KIAA0753: variants seen among roughly 807,000 people sequenced by gnomAD.
KIAA0753 encodes KIAA0753, also known as protein moonraker.
In KIAA0753, 114 loss-of-function variants were observed where a neutral mutation model predicts 116.9. The ratio of observed to expected loss-of-function variants is 0.98; its 90% confidence interval spans 0.84 to 1.14. The LOEUF is 1.14. Among genes scored for constraint, KIAA0753 ranks in the 50% most tolerant of loss-of-function variants. The pLI, the probability that KIAA0753 is intolerant of heterozygous loss-of-function variation, is 0.00. For missense variants in KIAA0753, 1,156 were observed against 1,172.4 expected (o/e 0.99, Z 0.20); for synonymous variants, 405 against 413.1 (o/e 0.98, Z 0.24).
chr17:6,615,383 C>T (rs1970821613), intron 7 of KIAA0753, among the ~76,000 whole-genome samples: 1 of 152,028 alleles, frequency 6.6e-6, no homozygotes, highest in African/African-American at 2.4e-5. Context: ...CCTCAAAGAG[C>T]AACTACAGTG....
rs1282458755 is a variant in KIAA0753, at chr17:6,621,003, C to T, written c.1105-5G>A. Reference sequence around the variant, plus strand: ...TTCCAGGAGAGATTCCAAAGCCTGCCACAAAAACAATCAATTATTCTCTTA... The same window carrying T: ...TTCCAGGAGAGATTCCAAAGCCTGCTACAAAAACAATCAATTATTCTCTTA... On this transcript the variant is annotated splice_region_variant and splice_polypyrimidine_tract_variant and intron_variant, in intron 6 of 18. Transcript: ENST00000361413. The T allele has an allele frequency of 2.5e-6, 4 of 1,611,666 alleles. No individual in the cohort carries two copies. In the African/African-American group the frequency reaches 5.3e-5, roughly 22 times the overall value.
At chr17:6,619,497 C>T (rs959229779) in intron 7 of KIAA0753, among the ~76,000 whole-genome samples, 2 of 151,978 alleles carry the variant, frequency 1.3e-5, no homozygotes, top group African/African-American at 4.8e-5. Flanking sequence ...TGCAATTTCA[C>T]CTCACTGCCA....
chr17:6,631,932 G>A (rs1567590072), intron 2 of KIAA0753, among the ~76,000 whole-genome samples: 1 of 152,110 alleles, frequency 6.6e-6, no homozygotes, highest in Non-Finnish European at 1.5e-5. Flanking sequence ...ACCCAGGCTG[G>A]AGTGCAGTGG....
chr17:6,626,769 G>A (rs887544265), intron 3 of KIAA0753, among the ~76,000 whole-genome samples: 16 of 152,196 alleles, frequency 1.1e-4, no homozygotes, highest in Admixed American at 1.3e-4. Context: ...AGTTCACAAA[G>A]TATTGACTTA....
intron 13 of KIAA0753, 127 bp downstream of exon 13, chr17:6,600,253 T>C: frequency 1.4e-6 from 1 of 712,276 alleles, no homozygotes; most frequent in Non-Finnish European, 2.5e-6. Flanking sequence ...TGTGGTGGTC[T>C]GGGGGTATCT....
chr17:6,593,560 G>A (rs914970537), intron 16 of KIAA0753, among the ~76,000 whole-genome samples: 2 of 151,978 alleles, frequency 1.3e-5, no homozygotes, highest in Non-Finnish European at 2.9e-5. Flanking sequence ...AGCACTTCAG[G>A]AGGCAGGGCG....
rs755835260 is a variant in KIAA0753 at position 6,624,712 on chromosome 17, T to TAC, written c.825+41_825+42dup. ...AAACAGAAACTCTCTAAGGAAGCAG[T>TAC]ACACAAGGCTGACTGCCCTACTTCT... On this transcript the variant is annotated intron_variant, in intron 4 of 18. Transcript: ENST00000361413. The TAC allele has an allele frequency of 1.3e-5, 16 of 1,270,670 alleles. No homozygotes were observed. In the South Asian group the frequency reaches 2.0e-4, roughly 16 times the overall value. The allele number at this position is 1,270,670 out of a possible 1,614,324, so 78.7% of individuals were successfully genotyped here.
At position 6,621,790 on chromosome 17, in the gene KIAA0753, G is replaced by C. The variant is rs184990385; in HGVS notation, c.1105-792C>G. On this transcript the variant is annotated intron_variant, in intron 6 of 18. Coordinates refer to ENST00000361413, the MANE Select transcript of KIAA0753 (RefSeq NM_014804.3). ...ATCCTTTATAGGATTATGAAGATGT[G>C]TACTCTAAATTATTTTGGCCAATAA... Among the ~76,000 whole-genome samples, 257 of 152,260 alleles carry C rather than the reference G, an allele frequency of 1.7e-3. 1 individual carries two copies. Among genetic ancestry groups the C allele is most frequent in the Middle Eastern group, 3.4e-3 (1 of 294 alleles).
intron 12 of KIAA0753, among the ~76,000 whole-genome samples, chr17:6,601,542 T>C (rs1038198041): frequency 2.6e-5 from 4 of 152,194 alleles, no homozygotes; most frequent in African/African-American, 7.2e-5. Context: ...CCAACATAAG[T>C]GTCCTTAACA....
chr17:6,578,872 G>A lies in KIAA0753; in HGVS notation c.*875C>T, dbSNP rs913040173. 1.3e-4 allele frequency: 20 copies of A among 152,150 alleles called. No individual in the cohort carries two copies. The highest frequency in any genetic ancestry group is 4.8e-4 in the African/African-American group (20 of 41,416). The allele number at this position is 152,150 out of a possible 1,614,324, so 9.4% of individuals were successfully genotyped here. A position where few individuals can be genotyped will look rare whatever the true frequency, so the allele number is the denominator to read the frequency against. The stretch of plus-strand genomic sequence containing the variant: ...TTCTTAAGTTTCTTCCTTTCTCTGG[G>A]GAGACACAGAGGTCTTCGCGCCATC... On this transcript the variant is annotated 3_prime_UTR_variant, in exon 19 of 19. Transcript: ENST00000361413.
intron 16 of KIAA0753, among the ~76,000 whole-genome samples, 194 bp from the exon 17 acceptor site, chr17:6,590,824 T>G (rs1201744546): frequency 6.6e-6 from 1 of 152,088 alleles, no homozygotes; most frequent in Non-Finnish European, 1.5e-5. Context: ...AAGAAACCAA[T>G]GAGGAATACG....
rs1397573056 is a variant in KIAA0753, at chr17:6,589,806, G to A, written c.2759C>T (p.Ser920Phe). The stretch of plus-strand genomic sequence containing the variant: ...TTCAGCTATCAGCCACGGGTTGAAG[G>A]AGCCTACAGCCTCATGAGATATGAT... The part of the protein sequence containing the change: ...LRIISHEAVG[S>F]FNPWLIAESF... The change falls in exon 18 of 19, where the codon TCC becomes TTC. Residue 920 changes from serine to phenylalanine, a missense_variant. By Grantham distance (155) the Ser-to-Phe change is radical (BLOSUM62 -2). Transcript: ENST00000361413. 7 of 1,611,218 alleles carry A rather than the reference G, an allele frequency of 4.3e-6. No individual in the cohort carries two copies. Among genetic ancestry groups the A allele is most frequent in the African/African-American group, 2.7e-5 (2 of 74,790 alleles).
chr17:6,609,083 A>G (rs1013688422), intron 9 of KIAA0753, among the ~76,000 whole-genome samples: 1 of 152,202 alleles, frequency 6.6e-6, no homozygotes, highest in African/African-American at 2.4e-5. Flanking sequence ...TAAATTCTCT[A>G]AACATTGTTT....
At chr17:6,588,765 A>T (rs967455956) in intron 18 of KIAA0753, among the ~76,000 whole-genome samples, 11 of 152,314 alleles carry the variant, frequency 7.2e-5, no homozygotes, top group Admixed American at 1.3e-4. Context: ...GGCCCTGTTT[A>T]AAAAGAATAG....
intron 2 of KIAA0753, among the ~76,000 whole-genome samples, chr17:6,633,776 G>C (rs1567591609): frequency 1.3e-5 from 2 of 152,116 alleles, no homozygotes; most frequent in Non-Finnish European, 2.9e-5. Flanking sequence ...CTAGTGAAAT[G>C]TCTTAACACC....
Position 6,635,116 on chromosome 17 carries a change from T to C in KIAA0753, c.-13A>G, listed in dbSNP as rs1342367051. 6.3e-7 allele frequency: 1 copy of C among 1,584,994 alleles called. No homozygotes were observed. The highest frequency in any genetic ancestry group is 2.2e-5 in the East Asian group (1 of 44,726). ...GGCCTGGTCCCATAATGTCAGGTAG[T>C]ACAGAACAATAGTGACAGCCTTGTC... On this transcript the variant is annotated 5_prime_UTR_variant, in exon 2 of 19. Coordinates refer to ENST00000361413, the MANE Select transcript of KIAA0753 (RefSeq NM_014804.3).
intron 12 of KIAA0753, 86 bp from the exon 13 acceptor site, chr17:6,600,544 A>G: frequency 1.0e-6 from 1 of 1,003,360 alleles, no homozygotes. Context: ...AGGAGAAGGG[A>G]AATAAAATGA....
chr17:6,617,813 C>T (rs1355721911), intron 7 of KIAA0753, among the ~76,000 whole-genome samples: 2 of 152,222 alleles, frequency 1.3e-5, no homozygotes, highest in Non-Finnish European at 2.9e-5. Context: ...CGTAAAAATT[C>T]TGGAACTAGC....
In KIAA0753 at chr17:6,579,177, G is replaced by A. The variant is rs1305652664; in HGVS notation, c.*570C>T. 6.6e-6 allele frequency: 1 copy of A among 152,338 alleles called. No homozygotes were observed. The allele number at this position is 152,338 out of a possible 1,614,324, so 9.4% of individuals were successfully genotyped here. A position where few individuals can be genotyped will look rare whatever the true frequency, so the allele number is the denominator to read the frequency against. ...GTCTATTATTGTGCACTGACAGCCA[G>A]GGGGCTCCTGTTTGGAATAAACTGC... On this transcript the variant is annotated 3_prime_UTR_variant, in exon 19 of 19. Transcript: ENST00000361413.
Sources: allele counts gnomAD v4.1 joint callset (sites outside exome capture counted in the v4.1 genomes callset), GRCh38; gene constraint gnomAD v4.1.1; transcripts MANE v1.5; gene names NCBI Gene and HGNC (gene_info 2026-07-23, HGNC 2026-07-21).